Variants in HTT observed in about 807,000 individuals in gnomAD.
The protein encoded by HTT is huntingtin.
HTT carries 104 observed loss-of-function variants against 362.3 expected under a neutral mutation model. The ratio of observed to expected loss-of-function variants is 0.29; its 90% CI spans 0.24 to 0.34. The LOEUF (loss-of-function observed/expected upper bound fraction) is 0.34. HTT is among the 10% of genes least tolerant of loss of function. The pLI, the probability that HTT is intolerant of heterozygous loss-of-function variation, is 1.00. For synonymous variants in HTT, 1,577 were observed against 1,548.7 expected, an observed-to-expected ratio of 1.02 and a Z score of -0.43; for missense variants, 3,301 against 3,928.6, an observed-to-expected ratio of 0.84 and a Z score of 4.27.
intron 8 of HTT, 74 bp downstream of exon 8, chr4:3,116,337 G>A: frequency 2.3e-6 from 3 of 1,325,596 alleles, no homozygotes. Context: ...ATTTGGAAGA[G>A]AAGCGGCAGA....
chr4:3,079,222 C>A (rs1712752808), intron 1 of HTT, among the ~76,000 whole-genome samples: 1 of 148,696 alleles, frequency 6.7e-6, no homozygotes, highest in Non-Finnish European at 1.5e-5. Flanking sequence ...ATACGGTGTT[C>A]AGGGAAGGTC....
Position 3,224,026 on chromosome 4 carries a change from G to A in HTT, c.7660G>A (p.Val2554Met), listed in dbSNP as rs765217251. The change falls in exon 56 of 67, where the codon GTG becomes ATG. Residue 2554 changes from valine to methionine, a missense_variant. Coordinates refer to ENST00000355072, the MANE Select transcript of HTT (RefSeq NM_001388492.1). The stretch of plus-strand genomic sequence containing the variant: ...GAAGCTGAGCATTATCAGAGGGATT[G>A]TGGAGCAAGAGATTCAAGCAATGGT... Reference protein sequence around the residue: ...GRKLSIIRGIVEQEIQAMVSK... With the variant: ...GRKLSIIRGIMEQEIQAMVSK... 2 of 1,614,090 alleles carry A rather than the reference G, an allele frequency of 1.2e-6. No homozygotes were observed. Among genetic ancestry groups the A allele is most frequent in the Non-Finnish European group, 1.7e-6 (2 of 1,179,894 alleles).
At chr4:3,078,320 C>G (rs1007096735) in intron 1 of HTT, among the ~76,000 whole-genome samples, 3 of 152,160 alleles carry the variant, frequency 2.0e-5, no homozygotes, top group Admixed American at 2.0e-4. Context: ...GCTCTGCCCT[C>G]GTGAAGCTTT....
At position 3,175,028 on chromosome 4, in the gene HTT, A is replaced by G; in HGVS notation, c.4328A>G (p.Gln1443Arg). Reference sequence around the variant, plus strand: ...CAGTACACGACTACAACATGTGTGCAGTTACAGAAGCAGGTTTTAGATTTG... The same window carrying G: ...CAGTACACGACTACAACATGTGTGCGGTTACAGAAGCAGGTTTTAGATTTG... ...LKQYTTTTCV[Q>R]LQKQVLDLLA... is the part of the protein sequence containing the mutation. Residue 1443 changes from glutamine (Q) to arginine (R), a missense_variant, in exon 33 of 67, where the codon CAG (glutamine) becomes CGG (arginine). This residue lies in a region of HTT where 2,316 missense variants were observed against 2,658.5 expected (regional missense o/e 0.87). Transcript: ENST00000355072. The G allele has an allele frequency of 1.2e-6, 2 of 1,613,670 alleles. No individual in the cohort carries two copies. The highest frequency in any genetic ancestry group is 1.1e-5 in the South Asian group (1 of 91,080).
rs60238660 is a variant in HTT, at chr4:3,138,246, T to TA, written c.2798+1923dup. Among the ~76,000 whole-genome samples the TA allele has an allele frequency of 1.5e-3, 225 of 151,956 alleles. 3 individuals are homozygous for TA. The highest frequency in any genetic ancestry group is 5.3e-3 in the African/African-American group (217 of 41,294). Reference sequence around the variant, plus strand: ...TTCTTTCTACATATACACATTTTTTTAAATTTCAATGGTTTTTGGGGTACA... The same window carrying TA: ...TTCTTTCTACATATACACATTTTTTTAAAATTTCAATGGTTTTTGGGGTACA... On this transcript the variant is annotated intron_variant, in intron 21 of 66. Coordinates refer to ENST00000355072, the MANE Select transcript of HTT (RefSeq NM_001388492.1).
In HTT at chr4:3,240,046, T is replaced by G. The variant is rs1276350351; in HGVS notation, c.9416T>G (p.Val3139Gly). The change falls in exon 67 of 67, where the codon GTC becomes GGC. Residue 3139 changes from valine to glycine, a missense_variant. Transcript: ENST00000355072. ...ACTTGTTTACGAAATGTCCACAAGG[T>G]CACCACCTGCTGAGCGCCATGGTGG... ...LLTCLRNVHK[V>G]TTC is the part of the protein sequence containing the mutation. 1 of 1,589,258 alleles carries G rather than the reference T, an allele frequency of 6.3e-7. No individual in the cohort carries two copies. Among genetic ancestry groups the G allele is most frequent in the African/African-American group, 1.3e-5 (1 of 74,706 alleles).
chr4:3,139,442 C>G (rs371645641), intron 21 of HTT, among the ~76,000 whole-genome samples: 1 of 152,172 alleles, frequency 6.6e-6, no homozygotes, highest in South Asian at 2.1e-4. Flanking sequence ...AAGCGGTCCC[C>G]CTGTCTCGGC....
intron 26 of HTT, among the ~76,000 whole-genome samples, chr4:3,151,737 T>C (rs930379013): frequency 1.3e-5 from 2 of 152,092 alleles, no homozygotes; most frequent in Non-Finnish European, 2.9e-5. Flanking sequence ...AAAATTGTCT[T>C]CCACAGAACC....
intron 29 of HTT, among the ~76,000 whole-genome samples, chr4:3,163,491 A>G (rs1212218353): frequency 6.6e-6 from 1 of 152,210 alleles, no homozygotes; most frequent in Non-Finnish European, 1.5e-5. Context: ...GAATAGTTTC[A>G]GAAGGAATGG....
rs146087788 is a variant in HTT, at chr4:3,165,487, A to G, written c.3864+5095A>G. 5.1e-3 allele frequency among the ~76,000 whole-genome samples: 770 copies of G among 152,176 alleles called. 4 individuals carry two copies. Among genetic ancestry groups the G allele is most frequent in the Non-Finnish European group, 8.5e-3 (579 of 68,006 alleles). ...TGCTAGGTTGGGGAAGTTCTCCTGG[A>G]TAATATCCTGAAGAGTGTTTTCTAA... On this transcript the variant is annotated intron_variant, in intron 29 of 66. Coordinates refer to ENST00000355072, the MANE Select transcript of HTT (RefSeq NM_001388492.1).
At chr4:3,118,027 G>T (rs539212206) in intron 8 of HTT, among the ~76,000 whole-genome samples, 1 of 152,178 alleles carries the variant, frequency 6.6e-6, no homozygotes, top group East Asian at 1.9e-4. Flanking sequence ...CTCCATCCCA[G>T]TTTTTTTCCC....
chr4:3,140,447 G>T, intron 21 of HTT, 63 bp from the exon 22 acceptor site: 2 of 1,447,722 alleles, frequency 1.4e-6, no homozygotes, highest in East Asian at 2.3e-5. Context: ...AGGGAGGAGG[G>T]TGGTCTATCA....
At chr4:3,120,489 A>G (rs1715244469) in intron 8 of HTT, among the ~76,000 whole-genome samples, 1 of 152,222 alleles carries the variant, frequency 6.6e-6, no homozygotes, top group African/African-American at 2.4e-5. Flanking sequence ...GCAGAGCGGT[A>G]TTGGTCCATG....
chr4:3,154,275 T>C lies in HTT; in HGVS notation c.3499-18T>C, dbSNP rs1560571817. On this transcript the variant is annotated intron_variant, in intron 26 of 66. Transcript: ENST00000355072. ...TGTTTTTGTTTTTTTGTTTTTTGTT[T>C]TTGTTTTTCTATTTTAGGCAGCCTT... 2 of 1,529,142 alleles carry C rather than the reference T, an allele frequency of 1.3e-6. No individual in the cohort carries two copies. Among genetic ancestry groups the C allele is most frequent in the Non-Finnish European group, 1.8e-6 (2 of 1,140,838 alleles). The allele number at this position is 1,529,142 out of a possible 1,614,324, so 94.7% of individuals were successfully genotyped here.
At position 3,240,256 on chromosome 4, in the gene HTT, G is replaced by C; in HGVS notation, c.*197G>C. The C allele has an allele frequency of 1.6e-6, 1 of 607,414 alleles. No homozygotes were observed. The highest frequency in any genetic ancestry group is 2.9e-5 in the Admixed American group (1 of 34,926). 37.6% of individuals were successfully genotyped at this position (607,414 alleles called of 1,614,324 possible). On this transcript the variant is annotated 3_prime_UTR_variant, in exon 67 of 67. Coordinates refer to ENST00000355072, the MANE Select transcript of HTT (RefSeq NM_001388492.1). ...GGCAGTGGCCAGGCAGGGAGTGTCTGCAGTCCTGGTGGGGCTGAGCCTGAG... is the reference window on the plus strand; with the variant it reads ...GGCAGTGGCCAGGCAGGGAGTGTCTCCAGTCCTGGTGGGGCTGAGCCTGAG...
chr4:3,187,149 G>A (rs1267177620), intron 38 of HTT, among the ~76,000 whole-genome samples: 2 of 147,746 alleles, frequency 1.4e-5, no homozygotes, highest in Non-Finnish European at 1.5e-5. Context: ...GTGAGCCACC[G>A]CACCCGGCCT....
intron 41 of HTT, among the ~76,000 whole-genome samples, chr4:3,201,047 G>A (rs1578583097): frequency 6.6e-6 from 1 of 152,206 alleles, no homozygotes; most frequent in Non-Finnish European, 1.5e-5. Context: ...TAGATGATGA[G>A]TGTTTAAAAG....
Position 3,121,402 on chromosome 4 carries a change from A to C in HTT, c.1243A>C (p.Ser415Arg). 1 of 1,614,146 alleles carries C rather than the reference A, an allele frequency of 6.2e-7. No individual in the cohort carries two copies. The highest frequency in any genetic ancestry group is 8.5e-7 in the Non-Finnish European group (1 of 1,179,960). ...TGCTAAGGAGGAGTCTGGTGGCCGA[A>C]GCCGTAGTGGGAGTATTGTGGAACT... Reference protein sequence around the residue: ...TAAKEESGGRSRSGSIVELIA... With the variant: ...TAAKEESGGRRRSGSIVELIA... Residue 415 changes from serine to arginine, a missense_variant, in exon 9 of 67, where the codon AGC (serine) becomes CGC (arginine). By Grantham distance (110) the Ser-to-Arg change is moderately radical. Around this residue, in one of 4 missense-constraint regions of HTT, gnomAD observed 2,316 missense variants for 2,658.5 expected, o/e 0.87. Transcript: ENST00000355072.
intron 37 of HTT, among the ~76,000 whole-genome samples, chr4:3,186,069 C>T (rs1344024117): frequency 6.6e-6 from 1 of 152,038 alleles, no homozygotes; most frequent in East Asian, 1.9e-4. Context: ...TTCAAAACAA[C>T]TAAAACAAAA....
Sources: gnomAD v4.1 joint callset for allele counts (sites outside exome capture counted in the v4.1 genomes callset) on GRCh38, gnomAD v4.1.1 for gene constraint, gnomAD v4.1.1 regional missense constraint, MANE v1.5 for transcripts, NCBI Gene and HGNC (gene_info 2026-07-23, HGNC 2026-07-21) for gene names.